CCSER1: variants seen among roughly 807,000 people sequenced by gnomAD.
CCSER1 encodes coiled-coil serine rich protein 1, also known as serine-rich coiled-coil domain-containing protein 1.
A neutral mutation model predicts 82.0 loss-of-function variants in CCSER1; 41 were observed. The ratio of observed to expected loss-of-function variants is 0.50; its 90% confidence interval spans 0.39 to 0.65. The LOEUF is 0.65. CCSER1 is among the 30% of genes least tolerant of loss of function. The pLI, the probability that CCSER1 is intolerant of heterozygous loss-of-function variation, is 0.00. For synonymous variants in CCSER1, 414 were observed against 383.9 expected (o/e 1.08, Z -0.92); for missense variants, 1,119 against 1,064.2 (o/e 1.05, Z -0.72).
intron 5 of CCSER1, among the ~76,000 whole-genome samples, chr4:90,588,704 C>T (rs1467771001): frequency 5.3e-5 from 8 of 152,132 alleles, no homozygotes; most frequent in Non-Finnish European, 2.9e-5. Context: ...ATCATGGGGT[C>T]GGTTTCCCCC....
At chr4:90,399,969 A>T in intron 3 of CCSER1, 67 bp from the exon 4 acceptor site, 1 of 812,790 alleles carries the variant, frequency 1.2e-6, no homozygotes, top group Non-Finnish European at 2.0e-6. Context: ...CACGGCTTCC[A>T]CATATGAGTA....
intron 10 of CCSER1, among the ~76,000 whole-genome samples, chr4:91,552,993 T>C (rs1762229293): frequency 6.6e-6 from 1 of 151,536 alleles, no homozygotes; most frequent in Non-Finnish European, 1.5e-5. Context: ...CCATTGAATA[T>C]AACGTTAGCT....
intron 10 of CCSER1, among the ~76,000 whole-genome samples, chr4:91,347,374 G>A (rs1467240637): frequency 6.6e-6 from 1 of 151,948 alleles, no homozygotes; most frequent in African/African-American, 2.4e-5. Flanking sequence ...AATTTATAGT[G>A]TATCTTGAAG....
At chr4:90,648,208 C>CTT (rs747274897) in intron 6 of CCSER1, among the ~76,000 whole-genome samples, 3 of 148,188 alleles carry the variant, frequency 2.0e-5, no homozygotes, top group Admixed American at 6.8e-5. Context: ...ATGTCAGTCT[C>CTT]TGAGTCTACA....
Position 90,367,958 on chromosome 4 carries a change from C to T in CCSER1, c.1510-32078C>T, listed in dbSNP as rs552228370. On this transcript the variant is annotated intron_variant, in intron 3 of 10. Transcript: ENST00000509176. ...AAATATATGGATTAAAAGAGTTTTA[C>T]AGTATTTTAGGGAATTTGATGCAAA... Among the ~76,000 whole-genome samples the T allele has an allele frequency of 6.6e-5, 10 of 151,912 alleles. No individual in the cohort carries two copies. In the South Asian group the frequency reaches 2.1e-3, roughly 32 times the overall value.
chr4:90,254,258 G>T (rs1722869977), intron 1 of CCSER1, among the ~76,000 whole-genome samples: 1 of 152,114 alleles, frequency 6.6e-6, no homozygotes, highest in Admixed American at 6.6e-5. Context: ...GTTCCTTCTG[G>T]CTTGCCTCGT....
At chr4:91,266,063 G>A (rs866804648) in intron 10 of CCSER1, among the ~76,000 whole-genome samples, 7 of 152,192 alleles carry the variant, frequency 4.6e-5, no homozygotes, top group Middle Eastern at 3.4e-3. Flanking sequence ...CAGTATGGGG[G>A]AAACTGCCCT....
intron 10 of CCSER1, among the ~76,000 whole-genome samples, chr4:91,466,088 G>C (rs1307719746): frequency 6.6e-6 from 1 of 152,132 alleles, no homozygotes; most frequent in African/African-American, 2.4e-5. Context: ...GATGAACATT[G>C]ATGCAAAAAT....
At chr4:90,904,005 C>CA (rs900097040) in intron 8 of CCSER1, among the ~76,000 whole-genome samples, 1 of 151,738 alleles carries the variant, frequency 6.6e-6, no homozygotes, top group South Asian at 2.1e-4. Context: ...TGACAGGAAA[C>CA]AAAACTGTAC....
chr4:91,174,826 T>A (rs1299083355), intron 10 of CCSER1, among the ~76,000 whole-genome samples: 1 of 150,110 alleles, frequency 6.7e-6, no homozygotes, highest in Non-Finnish European at 1.5e-5. Flanking sequence ...TCTTTTCTTT[T>A]TTTTTTTTTA....
At chr4:91,039,914 G>A (rs1741814418) in intron 9 of CCSER1, among the ~76,000 whole-genome samples, 1 of 152,026 alleles carries the variant, frequency 6.6e-6, no homozygotes, top group African/African-American at 2.4e-5. Context: ...ATTCAATTTA[G>A]TCACCTCTGT....
intron 10 of CCSER1, among the ~76,000 whole-genome samples, chr4:91,439,255 G>A (rs542748410): frequency 2.8e-3 from 422 of 152,278 alleles, no homozygotes; most frequent in Non-Finnish European, 4.8e-3. Flanking sequence ...CCCCCAAAGG[G>A]AAGCCCATCA....
intron 10 of CCSER1, among the ~76,000 whole-genome samples, chr4:91,184,281 A>G (rs935895288): frequency 1.3e-5 from 2 of 152,356 alleles, no homozygotes; most frequent in South Asian, 2.1e-4. Flanking sequence ...ACACTTTCCA[A>G]TGATAACACT....
intron 9 of CCSER1, among the ~76,000 whole-genome samples, chr4:90,986,127 C>T (rs968186080): frequency 5.3e-5 from 8 of 151,638 alleles, no homozygotes; most frequent in Non-Finnish European, 8.9e-5. Flanking sequence ...GTTTGATTTT[C>T]GGCATGTTAA....
rs1489117716 is a variant in CCSER1, at chr4:90,313,043, G to A, written c.1505G>A (p.Ser502Asn). ...GGTTCTTCATCTTCAAAAATGAACAGTTTGGTAAGTATATACATATGTCTG... is the reference window on the plus strand; with the variant it reads ...GGTTCTTCATCTTCAAAAATGAACAATTTGGTAAGTATATACATATGTCTG... ...RAGSSSSKMNSLDVLNNLGSC... is the reference protein window; with the variant it reads ...RAGSSSSKMNNLDVLNNLGSC... The change falls in exon 3 of 11, where the codon AGT becomes AAT. Residue 502 changes from serine to asparagine, a missense_variant. Coordinates refer to ENST00000509176, the MANE Select transcript of CCSER1 (RefSeq NM_001145065.2). 1.3e-6 allele frequency: 2 copies of A among 1,593,878 alleles called. No individual in the cohort carries two copies. The highest frequency in any genetic ancestry group is 1.7e-6 in the Non-Finnish European group (2 of 1,167,774).
intron 10 of CCSER1, among the ~76,000 whole-genome samples, chr4:91,285,339 A>G (rs1333649749): frequency 1.3e-5 from 2 of 150,126 alleles, no homozygotes; most frequent in African/African-American, 2.5e-5. Context: ...AAATGCTGTT[A>G]TGGAGATAGA....
At chr4:90,543,793 C>T (rs1053348768) in intron 5 of CCSER1, among the ~76,000 whole-genome samples, 2 of 152,158 alleles carry the variant, frequency 1.3e-5, no homozygotes, top group Admixed American at 6.6e-5. Flanking sequence ...TGGCCATTTG[C>T]TCACTCTTAG....
intron 5 of CCSER1, among the ~76,000 whole-genome samples, chr4:90,551,706 C>A (rs12108244): frequency 0.11 from 11,261 of 104,118 alleles, 658 homozygotes; most frequent in Middle Eastern, 0.15. Flanking sequence ...CTCTCTCTCT[C>A]TATATATATA....
In CCSER1 at chr4:91,161,245, T is replaced by G. The variant is rs137975152; in HGVS notation, c.2217+75251T>G. On this transcript the variant is annotated intron_variant, in intron 10 of 10. Transcript: ENST00000509176. ...TGGTGTTATTTCCAAGGCCTCTGTT[T>G]AGTTGCATTGGTCTATATCTCTGTT... is the stretch of plus-strand genomic sequence containing the variant. Among the ~76,000 whole-genome samples the G allele has an allele frequency of 3.0e-3, 457 of 152,156 alleles. 1 individual carries two copies. The highest frequency in any genetic ancestry group is 0.011 in the African/African-American group (441 of 41,516).
Sources: allele counts gnomAD v4.1 joint callset (sites outside exome capture counted in the v4.1 genomes callset), GRCh38; gene constraint gnomAD v4.1.1; transcripts MANE v1.5; gene names NCBI Gene and HGNC (gene_info 2026-07-23, HGNC 2026-07-21).